The following OR51B5 variants were observed in gnomAD, a reference collection of about 807,000 sequenced individuals.
OR51B5 encodes olfactory receptor 51B5.
For synonymous variants in OR51B5, 186 were observed against 144.8 expected (o/e 1.28, Z -2.04); for missense variants, 456 against 374.6 (o/e 1.22, Z -1.79).
intron 1 of OR51B5, among the ~76,000 whole-genome samples, chr11:5,356,208 A>C (rs143277946): frequency 0.16 from 23,423 of 151,010 alleles, 2,146 homozygotes; most frequent in Non-Finnish European, 0.21. Flanking sequence ...AACCCATGGC[A>C]AAAAAGTTAA....
intron 1 of OR51B5, among the ~76,000 whole-genome samples, chr11:5,472,320 C>T (rs567649164): frequency 1.3e-5 from 2 of 152,248 alleles, no homozygotes; most frequent in African/African-American, 2.4e-5. Flanking sequence ...TAAAGGATTT[C>T]GAAGCTATGA....
At chr11:5,352,092 C>T (rs748417226) in intron 1 of OR51B5, 3 of 1,614,158 alleles carry the variant, frequency 1.9e-6, no homozygotes, top group Non-Finnish European at 8.5e-7. Context: ...TCAACCGTCT[C>T]TATCCAGTTG....
intron 1 of OR51B5, among the ~76,000 whole-genome samples, chr11:5,466,716 T>A (rs1467929416): frequency 1.3e-5 from 2 of 152,222 alleles, no homozygotes; most frequent in African/African-American, 4.8e-5. Context: ...GGAGAGGCAA[T>A]GGCAGAGTAG....
At chr11:5,502,760 G>A (rs539377474) in intron 1 of OR51B5, among the ~76,000 whole-genome samples, 33 of 152,162 alleles carry the variant, frequency 2.2e-4, no homozygotes, top group African/African-American at 7.9e-4. Context: ...TACCTTACAG[G>A]GTTTCTGTAA....
At chr11:5,454,496 T>C (rs896668548) in intron 1 of OR51B5, 2 of 1,239,442 alleles carry the variant, frequency 1.6e-6, no homozygotes, top group East Asian at 2.3e-5. Flanking sequence ...GTCATCATCA[T>C]CATCAAAGTA....
chr11:5,446,117 G>A (rs1850758871), intron 1 of OR51B5, among the ~76,000 whole-genome samples: 1 of 152,052 alleles, frequency 6.6e-6, no homozygotes. Context: ...GGGTGGGGGA[G>A]AGTGGAGGGA....
chr11:5,453,404 T>TTTC, intron 1 of OR51B5: 1 of 967,648 alleles, frequency 1.0e-6, no homozygotes. Flanking sequence ...TATCTCCTGA[T>TTTC]TTCTTGTCCT....
At position 5,422,413 on chromosome 11, in the gene OR51B5, G is replaced by A. The variant is rs2736589; in HGVS notation, n.85-75503C>T. 693 of 1,614,072 alleles carry A rather than the reference G, an allele frequency of 4.3e-4. 5 individuals are homozygous for A. In the African/African-American group the frequency reaches 8.2e-3, roughly 19 times the overall value. ...TGTTTCTCTCCATGCTGGCCCTGAC[G>A]GACCTGGGTCTCACCCTCACCACCC... On this transcript the variant is annotated intron_variant and non_coding_transcript_variant, in intron 1 of 4. Coordinates refer to the OR51B5 transcript ENST00000415970.
intron 1 of OR51B5, among the ~76,000 whole-genome samples, chr11:5,379,210 G>A (rs931701297): frequency 1.3e-5 from 2 of 151,844 alleles, no homozygotes; most frequent in East Asian, 3.9e-4. Context: ...CTATCGCAAG[G>A]ACAAAAAACC....
rs1316033447 is a variant in OR51B5, at chr11:5,417,727, T to C, written n.85-70817A>G. ...TGCAAATCAAAACCACAATGAGATA[T>C]CATCTCACACCAGTTAGAATGGCAA... On this transcript the variant is annotated intron_variant and non_coding_transcript_variant, in intron 1 of 4. Transcript: ENST00000415970. 9.9e-5 allele frequency among the ~76,000 whole-genome samples: 15 copies of C among 151,240 alleles called. No individual in the cohort carries two copies. In the South Asian group the frequency reaches 2.5e-3, roughly 26 times the overall value.
chr11:5,414,860 G>A (rs1337531363), intron 1 of OR51B5, among the ~76,000 whole-genome samples: 1 of 152,148 alleles, frequency 6.6e-6, no homozygotes, highest in Non-Finnish European at 1.5e-5. Context: ...ACATTAGATA[G>A]ATCAACGAGA....
chr11:5,381,999 T>A (rs1209786076), intron 1 of OR51B5, among the ~76,000 whole-genome samples: 1 of 152,196 alleles, frequency 6.6e-6, no homozygotes, highest in African/African-American at 2.4e-5. Flanking sequence ...CAAAATAACA[T>A]CTGTTTCCAG....
intron 1 of OR51B5, chr11:5,455,642 T>C (rs1169856199): frequency 6.8e-6 from 1 of 147,810 alleles, no homozygotes. Context: ...AGAGATGCAC[T>C]AGGTAGTCTA....
At chr11:5,479,532 G>A (rs945160317) in intron 1 of OR51B5, among the ~76,000 whole-genome samples, 1 of 149,686 alleles carries the variant, frequency 6.7e-6, no homozygotes, top group African/African-American at 2.4e-5. Context: ...AAATGTAAAT[G>A]GACTAAATGC....
chr11:5,394,811 T>G (rs2133734488), intron 1 of OR51B5, among the ~76,000 whole-genome samples: 1 of 152,334 alleles, frequency 6.6e-6, no homozygotes, highest in South Asian at 2.1e-4. Context: ...AAGACAATGC[T>G]TTCTGAAAGA....
intron 1 of OR51B5, among the ~76,000 whole-genome samples, chr11:5,500,162 C>T (rs1851697573): frequency 6.6e-6 from 1 of 152,208 alleles, no homozygotes; most frequent in Admixed American, 6.5e-5. Flanking sequence ...ACCTACTCTT[C>T]TGTGTATTTA....
At chr11:5,457,756 C>A (rs894666091) in intron 1 of OR51B5, among the ~76,000 whole-genome samples, 1 of 152,120 alleles carries the variant, frequency 6.6e-6, no homozygotes, top group Admixed American at 6.5e-5. Flanking sequence ...TTGTTGGCCA[C>A]GTATATGTCT....
At chr11:5,433,335 T>C (rs952278614) in intron 1 of OR51B5, among the ~76,000 whole-genome samples, 1 of 152,178 alleles carries the variant, frequency 6.6e-6, no homozygotes, top group African/African-American at 2.4e-5. Context: ...ATATAACAAA[T>C]TAAATTTATA....
rs761882895 is a variant in OR51B5, at chr11:5,422,587, C to T, written n.85-75677G>A. The T allele has an allele frequency of 7.4e-6, 12 of 1,614,152 alleles. 1 individual carries two copies. The South Asian group carries it at 9.9e-5, about 13-fold the overall frequency. ...CCGTTGACTGCTATGTGGCCATCTG[C>T]TGTCCCCTCCATTATGCCTCCATCC... is the stretch of plus-strand genomic sequence containing the variant. On this transcript the variant is annotated intron_variant and non_coding_transcript_variant, in intron 1 of 4. Transcript: ENST00000415970.
Sources: allele counts gnomAD v4.1 joint callset (sites outside exome capture counted in the v4.1 genomes callset), GRCh38; gene constraint gnomAD v4.1.1; transcripts MANE v1.5; gene names NCBI Gene and HGNC (gene_info 2026-07-23, HGNC 2026-07-21).